Variants in DPF3 observed in about 807,000 individuals in gnomAD.
DPF3 encodes the protein zinc finger protein DPF3.
A neutral mutation model predicts 56.8 loss-of-function variants in DPF3; 18 were observed. That is an observed-to-expected ratio of 0.32 (90% CI 0.22 to 0.47). The LOEUF (loss-of-function observed/expected upper bound fraction) is 0.47. Among genes scored for constraint, DPF3 ranks in the 20% least tolerant of loss-of-function variants. The probability of loss-of-function intolerance (pLI) is 1.00; values close to 1 mark genes in which losing one functional copy is unlikely to be tolerated. For synonymous variants in DPF3, 188 were observed against 180.2 expected, an observed-to-expected ratio of 1.04 and a Z score of -0.35; for missense variants, 403 against 488.8, an observed-to-expected ratio of 0.82 and a Z score of 1.65.
chr14:72,797,361 G>A (rs994024915), intron 1 of DPF3, among the ~76,000 whole-genome samples: 8 of 152,170 alleles, frequency 5.3e-5, no homozygotes, highest in African/African-American at 1.9e-4. Context: ...AAAATAAATG[G>A]TTGCTATTTG....
At chr14:72,731,680 A>T (rs1424907348) in intron 4 of DPF3, 127 bp downstream of exon 4, 1 of 1,333,844 alleles carries the variant, frequency 7.5e-7, no homozygotes, top group Non-Finnish European at 1.0e-6. Flanking sequence ...CCACCATAGA[A>T]ACAAGGCAGT....
At chr14:72,732,076 C>T (rs1251643813) in intron 3 of DPF3, 142 bp from the exon 4 acceptor site, 16 of 1,113,210 alleles carry the variant, frequency 1.4e-5, no homozygotes, top group Non-Finnish European at 1.2e-6. Flanking sequence ...GAGAGGAACA[C>T]TGGAGCCCTG....
chr14:72,801,013 C>T (rs940575884), intron 1 of DPF3, among the ~76,000 whole-genome samples: 11 of 152,206 alleles, frequency 7.2e-5, no homozygotes, highest in Non-Finnish European at 1.2e-4. Context: ...GGGTAGCACT[C>T]ACCCTGTAGT....
rs753352209 is a variant in DPF3, at chr14:72,714,501, C to A, written c.526G>T (p.Ala176Ser). 1 of 1,613,694 alleles carries A rather than the reference C, an allele frequency of 6.2e-7. No individual in the cohort carries two copies. The highest frequency in any genetic ancestry group is 2.2e-5 in the East Asian group (1 of 44,870). ...CTCCTGCCCCCTGCAGAGCCGCGAG[C>A]CTGGGGAGACATTGGGGTACAGGAT... The part of the protein sequence containing the change: ...PKRKNRTRGR[A>S]RGSAGGRRRH... The change falls in exon 6 of 11, where the codon GCT (alanine) becomes TCT (serine). Residue 176 changes from alanine (A) to serine (S), a missense_variant and splice_region_variant. Physicochemically the swap from Ala to Ser is moderately conservative, Grantham distance 99. Transcript: ENST00000556509.
chr14:72,710,342 A>G (rs1888600112), intron 6 of DPF3, among the ~76,000 whole-genome samples: 1 of 152,258 alleles, frequency 6.6e-6, no homozygotes, highest in African/African-American at 2.4e-5. Context: ...GTTGTATATC[A>G]ATGTGAAATA....
chr14:72,761,494 CAG>C (rs1891067725), intron 2 of DPF3, among the ~76,000 whole-genome samples: 2 of 151,920 alleles, frequency 1.3e-5, no homozygotes, highest in South Asian at 4.1e-4. Flanking sequence ...AGAAACCAAA[CAG>C]AAAAATATTT....
At chr14:72,694,120 C>T (rs1046965030) in intron 6 of DPF3, among the ~76,000 whole-genome samples, 15 of 152,206 alleles carry the variant, frequency 9.9e-5, no homozygotes, top group African/African-American at 3.1e-4. Flanking sequence ...TGCTCAGTTC[C>T]TGGGAAGCAG....
rs373975733 is a variant in DPF3, at chr14:72,674,465, G to C, written c.743-97C>G. ...AGTGTGGTAGAATCTGCTCCAGAAG[G>C]AATCTGAGGTTTTATTATAACCAAG... is the stretch of plus-strand genomic sequence containing the variant. On this transcript the variant is annotated intron_variant, in intron 7 of 10. Transcript: ENST00000556509. The C allele has an allele frequency of 2.4e-4, 357 of 1,469,966 alleles. 2 individuals are homozygous for C. The African/African-American group carries it at 4.1e-3, about 17-fold the overall frequency. The allele number at this position is 1,469,966 out of a possible 1,614,324, so 91.1% of individuals were successfully genotyped here. A position where few individuals can be genotyped will look rare whatever the true frequency, so the allele number is the denominator to read the frequency against.
chr14:72,860,972 G>GA (rs1044561740), intron 1 of DPF3, among the ~76,000 whole-genome samples: 1 of 151,888 alleles, frequency 6.6e-6, no homozygotes, highest in African/African-American at 2.4e-5. Context: ...CCCCAAGTAG[G>GA]AAAGAGTGGA....
intron 8 of DPF3, among the ~76,000 whole-genome samples, chr14:72,639,863 T>C (rs1599322611): frequency 6.6e-6 from 1 of 151,938 alleles, no homozygotes; most frequent in East Asian, 1.9e-4. Flanking sequence ...ATAACTATTA[T>C]ATATAGAGAG....
intron 1 of DPF3, among the ~76,000 whole-genome samples, chr14:72,831,993 G>A (rs1884079428): frequency 6.6e-6 from 1 of 152,166 alleles, no homozygotes; most frequent in Non-Finnish European, 1.5e-5. Context: ...CAAGGTGGGA[G>A]GATCGCTTGA....
In DPF3 at chr14:72,661,647, G is replaced by A. The variant is rs954337128; in HGVS notation, c.871+12593C>T. On this transcript the variant is annotated intron_variant, in intron 8 of 10. Transcript: ENST00000556509. ...CGCCAGCTCAGCCAGAAAGGGCCATGTTAGAACACCCGCCGTCTTCCTTGG... is the reference window on the plus strand; with the variant it reads ...CGCCAGCTCAGCCAGAAAGGGCCATATTAGAACACCCGCCGTCTTCCTTGG... 4.3e-5 allele frequency: 42 copies of A among 985,416 alleles called. No homozygotes were observed. The South Asian group carries it at 1.4e-3, about 33-fold the overall frequency. 61.0% of individuals were successfully genotyped at this position (985,416 alleles called of 1,614,324 possible).
intron 8 of DPF3, chr14:72,661,119 C>T: frequency 1.0e-6 from 1 of 985,404 alleles, no homozygotes; most frequent in Middle Eastern, 5.2e-4. Flanking sequence ...TTATGCAAAC[C>T]TTTATCACAG....
At chr14:72,763,657 C>A (rs1001195285) in intron 2 of DPF3, among the ~76,000 whole-genome samples, 4 of 151,838 alleles carry the variant, frequency 2.6e-5, no homozygotes, top group South Asian at 2.1e-4. Flanking sequence ...ATAAGAGAAA[C>A]CCTGACCTTG....
At chr14:72,781,044 A>G (rs976487649) in intron 1 of DPF3, among the ~76,000 whole-genome samples, 1 of 152,178 alleles carries the variant, frequency 6.6e-6, no homozygotes, top group Non-Finnish European at 1.5e-5. Flanking sequence ...TAGCTGATCT[A>G]AAGATAGCTC....
chr14:72,791,460 C>G (rs1308781884), intron 1 of DPF3, among the ~76,000 whole-genome samples: 1 of 152,218 alleles, frequency 6.6e-6, no homozygotes, highest in East Asian at 1.9e-4. Flanking sequence ...CCAGGGAGAG[C>G]AGTGCCCTGG....
intron 1 of DPF3, among the ~76,000 whole-genome samples, chr14:72,821,333 A>G (rs559310280): frequency 6.6e-6 from 1 of 152,222 alleles, no homozygotes; most frequent in African/African-American, 2.4e-5. Context: ...CTATAATCCC[A>G]GCACTTAACA....
chr14:72,874,362 C>T (rs1264305098), intron 1 of DPF3, among the ~76,000 whole-genome samples: 2 of 151,714 alleles, frequency 1.3e-5, no homozygotes, highest in African/African-American at 4.8e-5. Flanking sequence ...ACCTATAGTC[C>T]CAGCTACTCG....
intron 8 of DPF3, among the ~76,000 whole-genome samples, chr14:72,663,815 C>G (rs1216853371): frequency 6.6e-6 from 1 of 152,046 alleles, no homozygotes; most frequent in Non-Finnish European, 1.5e-5. Flanking sequence ...AGCAAATGAG[C>G]AGCTCAGCCT....
Sources: allele counts gnomAD v4.1 joint callset (sites outside exome capture counted in the v4.1 genomes callset), GRCh38; gene constraint gnomAD v4.1.1; transcripts MANE v1.5; gene names NCBI Gene and HGNC (gene_info 2026-07-23, HGNC 2026-07-21).